Variants in GALNT17 observed in about 807,000 individuals in gnomAD.
GALNT17 encodes UDP-GalNAc:polypeptide N-acetylgalactosaminyltransferase-like 3.
A neutral mutation model predicts 63.7 loss-of-function variants in GALNT17; 29 were observed. The observed-to-expected ratio is 0.46, with a 90% CI of 0.34 to 0.62. The LOEUF is 0.62. GALNT17 is among the 20% of genes least tolerant of loss of function. GALNT17 has a pLI of 0.01. For missense variants in GALNT17, 603 were observed against 799.6 expected, an observed-to-expected ratio of 0.75 and a Z score of 2.97; for synonymous variants, 305 against 318.3, an observed-to-expected ratio of 0.96 and a Z score of 0.45.
chr7:71,529,626 A>G (rs1336918798), intron 5 of GALNT17, among the ~76,000 whole-genome samples: 5 of 152,250 alleles, frequency 3.3e-5, no homozygotes, highest in African/African-American at 9.6e-5. Flanking sequence ...GTGTACAGAC[A>G]TATTAAGAGA....
chr7:71,686,643 G>T (rs1286854992), intron 9 of GALNT17, among the ~76,000 whole-genome samples: 1 of 151,930 alleles, frequency 6.6e-6, no homozygotes, highest in Non-Finnish European at 1.5e-5. Flanking sequence ...GCCCACCGCT[G>T]CCTCCCAAAG....
intron 6 of GALNT17, among the ~76,000 whole-genome samples, chr7:71,645,296 C>G (rs1053821585): frequency 1.3e-5 from 2 of 152,124 alleles, no homozygotes; most frequent in African/African-American, 4.8e-5. Context: ...ATTGTAATAC[C>G]CACATGTCAT....
chr7:71,166,981 C>A (rs1363152360), intron 1 of GALNT17, among the ~76,000 whole-genome samples: 1 of 151,718 alleles, frequency 6.6e-6, no homozygotes, highest in Non-Finnish European at 1.5e-5. Context: ...CTCAAGTGAT[C>A]CTTCCACCTC....
At chr7:71,284,921 G>A (rs919944495) in intron 1 of GALNT17, among the ~76,000 whole-genome samples, 3 of 151,750 alleles carry the variant, frequency 2.0e-5, no homozygotes, top group Admixed American at 1.3e-4. Flanking sequence ...TAACTGATGG[G>A]TATAAAAAAC....
intron 1 of GALNT17, among the ~76,000 whole-genome samples, chr7:71,278,519 T>C (rs1790721640): frequency 6.6e-6 from 1 of 152,212 alleles, no homozygotes; most frequent in African/African-American, 2.4e-5. Context: ...ATGACCTTTG[T>C]CGTAATATGT....
intron 2 of GALNT17, among the ~76,000 whole-genome samples, chr7:71,372,872 G>A (rs1792650879): frequency 6.6e-6 from 1 of 152,158 alleles, no homozygotes; most frequent in African/African-American, 2.4e-5. Flanking sequence ...TAGTTCCCAG[G>A]TAGCATACAA....
intron 6 of GALNT17, among the ~76,000 whole-genome samples, chr7:71,657,676 A>G (rs564163730): frequency 6.6e-6 from 1 of 152,226 alleles, no homozygotes; most frequent in South Asian, 2.1e-4. Context: ...TCAGATCACA[A>G]CCCTGGAAAT....
At chr7:71,398,680 G>A (rs1793183653) in intron 3 of GALNT17, among the ~76,000 whole-genome samples, 1 of 152,156 alleles carries the variant, frequency 6.6e-6, no homozygotes, top group Non-Finnish European at 1.5e-5. Context: ...CAGGGGCTGG[G>A]TGGAGGGGGA....
At chr7:71,246,665 C>T (rs1056893449) in intron 1 of GALNT17, among the ~76,000 whole-genome samples, 3 of 151,542 alleles carry the variant, frequency 2.0e-5, no homozygotes, top group Admixed American at 1.3e-4. Context: ...CCCATCTCTA[C>T]TAAAAATACA....
intron 5 of GALNT17, among the ~76,000 whole-genome samples, chr7:71,441,019 C>CTT (rs35952628): frequency 9.6e-4 from 142 of 147,490 alleles, no homozygotes; most frequent in Middle Eastern, 3.5e-3. Context: ...TGTTGTTGTT[C>CTT]TTTTTTTTTT....
intron 5 of GALNT17, among the ~76,000 whole-genome samples, chr7:71,552,208 C>G (rs1346455691): frequency 6.6e-6 from 1 of 151,770 alleles, no homozygotes. Flanking sequence ...CCACACTTGT[C>G]TAATTTTTGT....
intron 1 of GALNT17, among the ~76,000 whole-genome samples, chr7:71,328,098 A>G (rs1273603419): frequency 2.0e-5 from 3 of 152,146 alleles, no homozygotes; most frequent in African/African-American, 7.2e-5. Context: ...TGAAGCATGA[A>G]GGATATTTGA....
chr7:71,145,696 G>T (rs373527744), intron 1 of GALNT17, among the ~76,000 whole-genome samples: 1 of 152,012 alleles, frequency 6.6e-6, no homozygotes, highest in African/African-American at 2.4e-5. Flanking sequence ...GTTCATACGG[G>T]TTTCTTAATT....
At chr7:71,654,689 C>G (rs61424158) in intron 6 of GALNT17, among the ~76,000 whole-genome samples, 1 of 48,754 alleles carries the variant, frequency 2.1e-5, no homozygotes, top group Non-Finnish European at 7.2e-5. Flanking sequence ...GTGGTGAAAT[C>G]TTTAACTTCA....
chr7:71,212,445 G>A (rs927130089), intron 1 of GALNT17, among the ~76,000 whole-genome samples: 1 of 152,254 alleles, frequency 6.6e-6, no homozygotes, highest in Non-Finnish European at 1.5e-5. Context: ...CAGTGCAGAA[G>A]GGAAATGTGG....
At chr7:71,433,332 C>T (rs1170769740) in intron 5 of GALNT17, among the ~76,000 whole-genome samples, 1 of 152,166 alleles carries the variant, frequency 6.6e-6, no homozygotes, top group Non-Finnish European at 1.5e-5. Flanking sequence ...AGTGCTTACC[C>T]ACTACTAGGG....
At chr7:71,296,376 G>A (rs1445968932) in intron 1 of GALNT17, among the ~76,000 whole-genome samples, 1 of 152,160 alleles carries the variant, frequency 6.6e-6, no homozygotes, top group African/African-American at 2.4e-5. Flanking sequence ...CACTTTGGGA[G>A]GCTGAGGCAG....
At chr7:71,225,259 G>A (rs965883765) in intron 1 of GALNT17, among the ~76,000 whole-genome samples, 2 of 152,156 alleles carry the variant, frequency 1.3e-5, no homozygotes, top group African/African-American at 2.4e-5. Flanking sequence ...ATGAGCCACC[G>A]CACACAGCCC....
chr7:71,340,265 A>T (rs1325047916), intron 2 of GALNT17, among the ~76,000 whole-genome samples: 1 of 152,152 alleles, frequency 6.6e-6, no homozygotes, highest in African/African-American at 2.4e-5. Flanking sequence ...AGAATATGGG[A>T]GGTTTACTCC....
Sources: allele counts gnomAD v4.1 joint callset (sites outside exome capture counted in the v4.1 genomes callset), GRCh38; gene constraint gnomAD v4.1.1; transcripts MANE v1.5; gene names NCBI Gene and HGNC (gene_info 2026-07-23, HGNC 2026-07-21).